The following CTNNA3 variants were observed in gnomAD, a reference collection of about 807,000 sequenced individuals.
CTNNA3 encodes catenin alpha 3.
A neutral mutation model predicts 95.7 loss-of-function variants in CTNNA3; 76 were observed. The observed-to-expected ratio is 0.79, with a 90% CI of 0.66 to 0.96. The LOEUF (loss-of-function observed/expected upper bound fraction) is 0.96. Ranked by LOEUF, CTNNA3 falls within the 40% of genes least tolerant of loss-of-function variation. The probability of loss-of-function intolerance (pLI) is 0.00; values close to 1 mark genes in which losing one functional copy is unlikely to be tolerated. For synonymous variants in CTNNA3, 431 were observed against 374.4 expected, an observed-to-expected ratio of 1.15 and a Z score of -1.74; for missense variants, 1,191 against 1,089.8, an observed-to-expected ratio of 1.09 and a Z score of -1.31.
At chr10:66,765,637 T>C (rs1382926852) in intron 9 of CTNNA3, among the ~76,000 whole-genome samples, 1 of 151,604 alleles carries the variant, frequency 6.6e-6, no homozygotes, top group Non-Finnish European at 1.5e-5. Flanking sequence ...CATAATACAG[T>C]AAGTTCTATT....
At chr10:66,191,313 C>T (rs2086654817) in intron 13 of CTNNA3, among the ~76,000 whole-genome samples, 1 of 152,062 alleles carries the variant, frequency 6.6e-6, no homozygotes, top group African/African-American at 2.4e-5. Flanking sequence ...ATTTACAACC[C>T]TTAAAATGTC....
chr10:66,140,016 C>T (rs78435648), intron 13 of CTNNA3, among the ~76,000 whole-genome samples: 2 of 152,282 alleles, frequency 1.3e-5, no homozygotes, highest in East Asian at 3.9e-4. Context: ...TAACTGCACG[C>T]TCCATGTCTG....
chr10:66,747,579 T>A (rs889909383), intron 9 of CTNNA3, among the ~76,000 whole-genome samples: 1 of 152,032 alleles, frequency 6.6e-6, no homozygotes, highest in Non-Finnish European at 1.5e-5. Context: ...CAGTCATAAC[T>A]CAGATCTAAT....
At chr10:67,139,277 C>A (rs904211390) in intron 7 of CTNNA3, among the ~76,000 whole-genome samples, 2 of 150,626 alleles carry the variant, frequency 1.3e-5, no homozygotes, top group Admixed American at 6.6e-5. Context: ...GGACTACAGG[C>A]ACATGCCACC....
intron 5 of CTNNA3, among the ~76,000 whole-genome samples, chr10:67,256,008 T>C (rs1317797985): frequency 2.0e-5 from 3 of 151,528 alleles, no homozygotes; most frequent in African/African-American, 7.3e-5. Flanking sequence ...AGAGTATATA[T>C]AACAGATAAA....
At chr10:67,321,070 T>C (rs1309335694) in intron 5 of CTNNA3, among the ~76,000 whole-genome samples, 2 of 152,232 alleles carry the variant, frequency 1.3e-5, no homozygotes, top group Non-Finnish European at 2.9e-5. Context: ...TCTTGATTTC[T>C]TTGCAGAAAA....
chr10:66,799,647 T>G (rs999335718), intron 7 of CTNNA3, among the ~76,000 whole-genome samples: 1 of 150,896 alleles, frequency 6.6e-6, no homozygotes, highest in African/African-American at 2.4e-5. Flanking sequence ...ACAAGTTTAA[T>G]AAGAATCCCA....
chr10:67,131,104 C>T (rs1347967000), intron 7 of CTNNA3, among the ~76,000 whole-genome samples: 1 of 152,076 alleles, frequency 6.6e-6, no homozygotes, highest in Non-Finnish European at 1.5e-5. Flanking sequence ...TCCCTTCCTA[C>T]TTTACGCTTA....
At chr10:67,310,814 C>T (rs1840761048) in intron 5 of CTNNA3, among the ~76,000 whole-genome samples, 1 of 152,114 alleles carries the variant, frequency 6.6e-6, no homozygotes, top group Admixed American at 6.5e-5. Flanking sequence ...CCACCGGGTC[C>T]CTCCCACCAC....
chr10:66,515,262 C>CCT (rs1840800067), intron 11 of CTNNA3, among the ~76,000 whole-genome samples: 6 of 75,662 alleles, frequency 7.9e-5, no homozygotes, highest in Admixed American at 4.2e-4. Context: ...ACCCTTATTC[C>CCT]CTATATCTAT....
intron 7 of CTNNA3, among the ~76,000 whole-genome samples, chr10:67,078,111 G>GCT (rs945441790): frequency 4.6e-5 from 7 of 152,156 alleles, no homozygotes; most frequent in African/African-American, 7.2e-5. Flanking sequence ...CAGCTTAACA[G>GCT]CTCTCTCTCA....
intron 11 of CTNNA3, among the ~76,000 whole-genome samples, chr10:66,403,167 C>T (rs943442279): frequency 6.6e-6 from 1 of 152,104 alleles, no homozygotes; most frequent in African/African-American, 2.4e-5. Context: ...GACATTTACC[C>T]TTGCCTTTAG....
At chr10:66,100,382 C>G (rs2081573368) in intron 14 of CTNNA3, among the ~76,000 whole-genome samples, 2 of 151,990 alleles carry the variant, frequency 1.3e-5, no homozygotes, top group Admixed American at 6.6e-5. Context: ...CTAGGGAGCC[C>G]CAATGCAGGA....
At chr10:66,267,744 C>A (rs532891374) in intron 13 of CTNNA3, among the ~76,000 whole-genome samples, 1 of 152,060 alleles carries the variant, frequency 6.6e-6, no homozygotes, top group African/African-American at 2.4e-5. Context: ...ATTCCACATA[C>A]CCTCCTCAAG....
chr10:66,115,726 A>G (rs1237249389), intron 13 of CTNNA3, among the ~76,000 whole-genome samples: 1 of 152,132 alleles, frequency 6.6e-6, no homozygotes, highest in East Asian at 1.9e-4. Flanking sequence ...ATCTGGTTAC[A>G]TTTGCAAAGT....
chr10:67,641,401 T>G (rs1564803162), intron 2 of CTNNA3, among the ~76,000 whole-genome samples: 1 of 150,872 alleles, frequency 6.6e-6, no homozygotes, highest in Non-Finnish European at 1.5e-5. Flanking sequence ...ACTTTTACAC[T>G]ATTGGTGGGA....
chr10:66,736,571 A>T (rs1180125076), intron 9 of CTNNA3, among the ~76,000 whole-genome samples: 4 of 152,042 alleles, frequency 2.6e-5, no homozygotes, highest in African/African-American at 7.2e-5. Flanking sequence ...CCTGTTTATT[A>T]ATAATAAGGC....
At chr10:66,993,978 C>G (rs1268004997) in intron 7 of CTNNA3, among the ~76,000 whole-genome samples, 2 of 152,060 alleles carry the variant, frequency 1.3e-5, no homozygotes, top group Non-Finnish European at 2.9e-5. Flanking sequence ...AGTACACTGC[C>G]AGATATAGCA....
intron 5 of CTNNA3, among the ~76,000 whole-genome samples, chr10:67,422,060 A>G (rs1176889647): frequency 6.6e-6 from 1 of 152,132 alleles, no homozygotes; most frequent in South Asian, 2.1e-4. Context: ...AAACACAAAC[A>G]CAAGACAAAC....
Sources: allele counts gnomAD v4.1 joint callset (sites outside exome capture counted in the v4.1 genomes callset), GRCh38; gene constraint gnomAD v4.1.1; transcripts MANE v1.5; gene names NCBI Gene and HGNC (gene_info 2026-07-23, HGNC 2026-07-21).